HECW2: variants seen among roughly 807,000 people sequenced by gnomAD.
The protein encoded by HECW2 is E3 ubiquitin-protein ligase HECW2.
A neutral mutation model predicts 175.2 loss-of-function variants in HECW2; 61 were observed. That is an observed-to-expected ratio of 0.35 (90% CI 0.28 to 0.43). The LOEUF is 0.43. HECW2 is among the 20% of genes least tolerant of loss of function. The pLI, the probability that HECW2 is intolerant of heterozygous loss-of-function variation, is 1.00. For synonymous variants in HECW2, 671 were observed against 731.0 expected (o/e 0.92, Z 1.32); for missense variants, 1,524 against 2,000.5 (o/e 0.76, Z 4.54).
intron 3 of HECW2, among the ~76,000 whole-genome samples, chr2:196,339,615 T>C (rs1692673949): frequency 6.6e-6 from 1 of 152,056 alleles, no homozygotes; most frequent in Non-Finnish European, 1.5e-5. Flanking sequence ...GACAGATGGA[T>C]GGAAGGAGGG....
chr2:196,388,935 G>A (rs972449587), intron 2 of HECW2, among the ~76,000 whole-genome samples: 2 of 152,162 alleles, frequency 1.3e-5, no homozygotes, highest in East Asian at 3.8e-4. Flanking sequence ...TGGAAGCATG[G>A]TTACTGCCAC....
chr2:196,302,843 A>G (rs1391855528), intron 13 of HECW2, among the ~76,000 whole-genome samples: 1 of 152,242 alleles, frequency 6.6e-6, no homozygotes, highest in East Asian at 1.9e-4. Flanking sequence ...TAGATGTAGA[A>G]TCATGTCATC....
chr2:196,299,058 A>T (rs1043030147), intron 13 of HECW2, among the ~76,000 whole-genome samples: 2 of 152,202 alleles, frequency 1.3e-5, no homozygotes, highest in African/African-American at 4.8e-5. Flanking sequence ...TAGCAAGACA[A>T]ATTCAGCTAC....
intron 2 of HECW2, among the ~76,000 whole-genome samples, chr2:196,387,204 C>A (rs1694373956): frequency 6.6e-6 from 1 of 152,166 alleles, no homozygotes; most frequent in African/African-American, 2.4e-5. Context: ...AACTGATGAT[C>A]TCCATTAGTT....
intron 2 of HECW2, among the ~76,000 whole-genome samples, chr2:196,344,478 A>G (rs1181231053): frequency 6.6e-5 from 10 of 152,072 alleles, no homozygotes. Context: ...TGGCAACACT[A>G]GATTCAACAG....
chr2:196,265,713 C>G (rs1031912397), intron 17 of HECW2, among the ~76,000 whole-genome samples: 1 of 152,170 alleles, frequency 6.6e-6, no homozygotes, highest in South Asian at 2.1e-4. Context: ...TATATGCTTA[C>G]TATGCTTACA....
At position 196,335,381 on chromosome 2, in the gene HECW2, ACTGCGAGATGC is replaced by A. The variant is rs1320958123; in HGVS notation, c.401-874_401-864del. 3.3e-5 allele frequency among the ~76,000 whole-genome samples: 5 copies of A among 152,362 alleles called. No individual in the cohort carries two copies. The East Asian group carries it at 9.6e-4, about 29-fold the overall frequency. On this transcript the variant is annotated intron_variant, in intron 3 of 28. Coordinates refer to ENST00000644978, the MANE Select transcript of HECW2 (RefSeq NM_001348768.2). ...AAAGCGTCTGAGTCACTGAAGTGTCACTGCGAGATGCATTTCTCCCAAGGTGTCGTTCTAAA... is the reference window on the plus strand; with the variant it reads ...AAAGCGTCTGAGTCACTGAAGTGTCAATTTCTCCCAAGGTGTCGTTCTAAA...
chr2:196,240,926 C>G (rs1466071232), intron 20 of HECW2, among the ~76,000 whole-genome samples: 3 of 152,058 alleles, frequency 2.0e-5, no homozygotes, highest in African/African-American at 4.8e-5. Flanking sequence ...AAGAACAACT[C>G]TATGAGGCAA....
At chr2:196,553,683 T>G (rs1689683286) in intron 1 of HECW2, among the ~76,000 whole-genome samples, 1 of 152,242 alleles carries the variant, frequency 6.6e-6, no homozygotes, top group African/African-American at 2.4e-5. Context: ...AAACTCTGAT[T>G]TGCGGAACAA....
chr2:196,207,669 G>T (rs1484209380), intron 28 of HECW2, among the ~76,000 whole-genome samples: 1 of 152,158 alleles, frequency 6.6e-6, no homozygotes, highest in Non-Finnish European at 1.5e-5. Context: ...AATATCCATT[G>T]CTTCTCTCCC....
chr2:196,543,278 A>G (rs747796572), intron 1 of HECW2, among the ~76,000 whole-genome samples: 5 of 151,324 alleles, frequency 3.3e-5, no homozygotes, highest in African/African-American at 7.3e-5. Context: ...TCAGAATTAG[A>G]TATATATTTT....
intron 19 of HECW2, among the ~76,000 whole-genome samples, chr2:196,245,133 T>C (rs940632681): frequency 2.1e-4 from 32 of 152,052 alleles, no homozygotes; most frequent in Admixed American, 1.4e-3. Context: ...GGGAAAAGAA[T>C]AGATAAGCAA....
chr2:196,523,679 GCAT>G (rs1688510340), intron 1 of HECW2, among the ~76,000 whole-genome samples: 1 of 151,268 alleles, frequency 6.6e-6, no homozygotes, highest in South Asian at 2.1e-4. Context: ...AGAGTTTTTA[GCAT>G]GAAGGGTTGT....
Position 196,322,453 on chromosome 2 carries a change from A to T in HECW2, c.884+25T>A, listed in dbSNP as rs2375689. ...TCCTATATGAACTAATCTCAACAAGATCCCCAAAGGTAAGGGCTGATTACC... is the reference window on the plus strand; with the variant it reads ...TCCTATATGAACTAATCTCAACAAGTTCCCCAAAGGTAAGGGCTGATTACC... On this transcript the variant is annotated intron_variant, in intron 7 of 28. Coordinates refer to ENST00000644978, the MANE Select transcript of HECW2 (RefSeq NM_001348768.2). The T allele has an allele frequency of 2.9e-3, 4,569 of 1,597,642 alleles. 165 individuals carry two copies. In the Admixed American group the frequency reaches 0.068, roughly 24 times the overall value.
At chr2:196,502,764 G>A (rs1687620628) in intron 1 of HECW2, among the ~76,000 whole-genome samples, 1 of 152,124 alleles carries the variant, frequency 6.6e-6, no homozygotes, top group African/African-American at 2.4e-5. Flanking sequence ...TGTGTGGTGG[G>A]ACAGGCATGC....
intron 10 of HECW2, among the ~76,000 whole-genome samples, chr2:196,314,069 C>T (rs1691600390): frequency 6.6e-6 from 1 of 152,142 alleles, no homozygotes. Flanking sequence ...TAGCTTGTCC[C>T]TAGGGTAGAA....
chr2:196,361,123 T>C (rs1211014603), intron 2 of HECW2, among the ~76,000 whole-genome samples: 1 of 152,200 alleles, frequency 6.6e-6, no homozygotes, highest in Non-Finnish European at 1.5e-5. Context: ...AGGATAAAAC[T>C]AAAATTTTGC....
intron 2 of HECW2, among the ~76,000 whole-genome samples, chr2:196,396,678 C>T (rs1400130999): frequency 6.6e-6 from 1 of 152,156 alleles, no homozygotes; most frequent in Non-Finnish European, 1.5e-5. Flanking sequence ...TCCTTAGAGG[C>T]TCTGAAATGT....
At chr2:196,398,117 T>G (rs1694720593) in intron 2 of HECW2, among the ~76,000 whole-genome samples, 1 of 100,042 alleles carries the variant, frequency 1.0e-5, no homozygotes, top group Non-Finnish European at 2.0e-5. Context: ...TGGATGGGTT[T>G]GTGGGTGGGT....
Sources: allele counts gnomAD v4.1 joint callset (sites outside exome capture counted in the v4.1 genomes callset), GRCh38; gene constraint gnomAD v4.1.1; transcripts MANE v1.5; gene names NCBI Gene and HGNC (gene_info 2026-07-23, HGNC 2026-07-21).